Variants in HCN1 observed in about 807,000 individuals in gnomAD.
HCN1 encodes hyperpolarization activated cyclic nucleotide gated potassium channel 1.
Under a neutral mutation model 78.9 loss-of-function variants are expected in HCN1, and 13 were observed. That is an observed-to-expected ratio of 0.16 (90% CI 0.11 to 0.26). The LOEUF is 0.26. Ranked by LOEUF, HCN1 falls within the 10% of genes least tolerant of loss-of-function variation. HCN1 has a pLI of 1.00. For synonymous variants in HCN1, 552 were observed against 455.5 expected (o/e 1.21, Z -2.70); for missense variants, 810 against 1,154.3 (o/e 0.70, Z 4.32).
chr5:45,391,441 T>C (rs1739559462), intron 4 of HCN1, among the ~76,000 whole-genome samples: 1 of 152,146 alleles, frequency 6.6e-6, no homozygotes, highest in Admixed American at 6.5e-5. Context: ...TAAAACAGGA[T>C]GTAACTTTTT....
chr5:45,443,494 T>G (rs1019969604), intron 3 of HCN1, among the ~76,000 whole-genome samples: 1 of 152,074 alleles, frequency 6.6e-6, no homozygotes, highest in African/African-American at 2.4e-5. Flanking sequence ...CCTAAGTAAA[T>G]GTAATTTTAC....
chr5:45,625,177 C>G (rs1384883821), intron 2 of HCN1, among the ~76,000 whole-genome samples: 2 of 151,994 alleles, frequency 1.3e-5, no homozygotes, highest in Non-Finnish European at 2.9e-5. Context: ...GTGGCAGGCA[C>G]CTGTAGTCTC....
At chr5:45,480,806 A>G (rs1420353010) in intron 2 of HCN1, among the ~76,000 whole-genome samples, 1 of 152,188 alleles carries the variant, frequency 6.6e-6, no homozygotes, top group Non-Finnish European at 1.5e-5. Context: ...ATTAAGAGAG[A>G]TCATCAATAT....
chr5:45,550,605 C>T (rs767036620), intron 2 of HCN1, among the ~76,000 whole-genome samples: 4 of 152,040 alleles, frequency 2.6e-5, no homozygotes, highest in Admixed American at 2.6e-4. Flanking sequence ...TGTAACAAAC[C>T]TGCACACAGT....
chr5:45,348,677 A>G (rs943995142), intron 5 of HCN1, among the ~76,000 whole-genome samples: 1 of 152,192 alleles, frequency 6.6e-6, no homozygotes, highest in Non-Finnish European at 1.5e-5. Flanking sequence ...ATGGAGGAAG[A>G]TCTACCAAGC....
intron 4 of HCN1, among the ~76,000 whole-genome samples, chr5:45,372,051 ATAATATAATTAT>A (rs1298627473): frequency 3.5e-5 from 2 of 56,564 alleles, no homozygotes; most frequent in Non-Finnish European, 5.3e-5. Context: ...TATTATATAT[ATAATATAATTAT>A]ATTATATATT....
intron 1 of HCN1, among the ~76,000 whole-genome samples, chr5:45,647,027 C>A (rs981441471): frequency 6.6e-5 from 10 of 152,114 alleles, no homozygotes; most frequent in Non-Finnish European, 1.2e-4. Flanking sequence ...TTACTATCAT[C>A]TGTAATTAAG....
At chr5:45,613,038 T>C (rs1306795815) in intron 2 of HCN1, among the ~76,000 whole-genome samples, 1 of 152,098 alleles carries the variant, frequency 6.6e-6, no homozygotes, top group African/African-American at 2.4e-5. Context: ...AGTTTTAGGG[T>C]ACATGTGCAC....
chr5:45,307,761 G>T (rs763642080), intron 5 of HCN1, among the ~76,000 whole-genome samples: 1 of 151,990 alleles, frequency 6.6e-6, no homozygotes, highest in Non-Finnish European at 1.5e-5. Flanking sequence ...GATAGAAAAA[G>T]AACTTTAAAG....
intron 2 of HCN1, among the ~76,000 whole-genome samples, chr5:45,496,835 G>A (rs1218310668): frequency 6.6e-6 from 1 of 151,150 alleles, no homozygotes; most frequent in East Asian, 2.0e-4. Flanking sequence ...TCTCTTGTGG[G>A]CATTTAGTGC....
At chr5:45,510,906 T>C (rs1419251281) in intron 2 of HCN1, among the ~76,000 whole-genome samples, 1 of 152,114 alleles carries the variant, frequency 6.6e-6, no homozygotes, top group South Asian at 2.1e-4. Flanking sequence ...ATCCAGTTAA[T>C]ATTTAGTGGC....
rs1050457593 is a variant in HCN1, at chr5:45,658,602, G to A, written c.426-12994C>T. Among the ~76,000 whole-genome samples, 468 of 151,896 alleles carry A rather than the reference G, an allele frequency of 3.1e-3. 3 individuals are homozygous for A. The highest frequency in any genetic ancestry group is 5.0e-3 in the Non-Finnish European group (339 of 67,922). ...GCGCAGGCCAGTGTGTGCGCGCACC[G>A]TGCGCGAGCCGAAGCAGGGCGAGGC... On this transcript the variant is annotated intron_variant, in intron 1 of 7. Coordinates refer to ENST00000303230, the MANE Select transcript of HCN1 (RefSeq NM_021072.4).
intron 3 of HCN1, among the ~76,000 whole-genome samples, chr5:45,435,094 C>T (rs536683737): frequency 1.4e-4 from 21 of 151,926 alleles, no homozygotes; most frequent in African/African-American, 5.1e-4. Flanking sequence ...AAAAAGAAAA[C>T]ATCTAACTAA....
chr5:45,496,332 G>GT lies in HCN1; in HGVS notation c.850-34326_850-34325insA, dbSNP rs1742029097. Reference sequence around the variant, plus strand: ...ACTTCTTCCTGGTTTAGTCTTGGGAGAGTGTATGTGTCGAGGAATGTATCC... The same window carrying GT: ...ACTTCTTCCTGGTTTAGTCTTGGGAGTAGTGTATGTGTCGAGGAATGTATCC... On this transcript the variant is annotated intron_variant, in intron 2 of 7. Transcript: ENST00000303230. Among the ~76,000 whole-genome samples, 4 of 151,632 alleles carry GT rather than the reference G, an allele frequency of 2.6e-5. No homozygotes were observed. In the South Asian group the frequency reaches 6.3e-4, roughly 24 times the overall value.
At chr5:45,326,687 T>C (rs1746239353) in intron 5 of HCN1, among the ~76,000 whole-genome samples, 1 of 151,690 alleles carries the variant, frequency 6.6e-6, no homozygotes, top group Non-Finnish European at 1.5e-5. Context: ...TTGTAAAAGA[T>C]CAGAGCAAGA....
At chr5:45,332,794 T>C (rs975205955) in intron 5 of HCN1, among the ~76,000 whole-genome samples, 2 of 151,740 alleles carry the variant, frequency 1.3e-5, no homozygotes, top group Admixed American at 1.3e-4. Flanking sequence ...TCCTGTTCCA[T>C]CCACGTTGTT....
chr5:45,387,673 A>G (rs551232274), intron 4 of HCN1, among the ~76,000 whole-genome samples: 1 of 152,170 alleles, frequency 6.6e-6, no homozygotes, highest in East Asian at 1.9e-4. Flanking sequence ...CTTACCCTGT[A>G]TATCTCCACA....
At chr5:45,687,473 G>A (rs181124135) in intron 1 of HCN1, among the ~76,000 whole-genome samples, 20 of 151,744 alleles carry the variant, frequency 1.3e-4, no homozygotes, top group East Asian at 3.9e-4. Flanking sequence ...TAATTCTAAC[G>A]GGCTTCCTAG....
At chr5:45,294,751 C>G (rs1279968207) in intron 6 of HCN1, among the ~76,000 whole-genome samples, 1 of 151,918 alleles carries the variant, frequency 6.6e-6, no homozygotes, top group East Asian at 1.9e-4. Context: ...GAATAGATTA[C>G]AAAACAGTTT....
Sources: gnomAD v4.1 joint callset for allele counts (sites outside exome capture counted in the v4.1 genomes callset) on GRCh38, gnomAD v4.1.1 for gene constraint, MANE v1.5 for transcripts, NCBI Gene and HGNC (gene_info 2026-07-23, HGNC 2026-07-21) for gene names.